ANKAR: variants seen among roughly 807,000 people sequenced by gnomAD.
The protein encoded by ANKAR is ankyrin and armadillo repeat-containing protein.
Under a neutral mutation model 146.2 loss-of-function variants are expected in ANKAR, and 136 were observed. The observed-to-expected ratio is 0.93, with a 90% CI of 0.81 to 1.07. ANKAR has a LOEUF of 1.07. Ranked by LOEUF, ANKAR falls within the 50% of genes least tolerant of loss-of-function variation. The pLI is 0.00. For missense variants in ANKAR, 1,567 were observed against 1,679.9 expected (o/e 0.93, Z 1.18); for synonymous variants, 500 against 575.8 (o/e 0.87, Z 1.88).
At chr2:189,688,622 TG>T (rs796552192) in intron 2 of ANKAR, among the ~76,000 whole-genome samples, 10 of 152,316 alleles carry the variant, frequency 6.6e-5, no homozygotes, top group African/African-American at 2.2e-4. Flanking sequence ...GAATTTAAGC[TG>T]AACTGTTTGG....
downstream of ANKAR, chr2:189,761,667 A>T: frequency 6.6e-7 from 1 of 1,510,488 alleles, no homozygotes; most frequent in Non-Finnish European, 8.8e-7. Flanking sequence ...ATTCCTGAAA[A>T]AGAATTACAG....
At chr2:189,732,457 C>T (rs1003511518) in intron 16 of ANKAR, among the ~76,000 whole-genome samples, 5 of 151,978 alleles carry the variant, frequency 3.3e-5, no homozygotes, top group African/African-American at 7.2e-5. Context: ...GTCAGGAGTT[C>T]GAGGCCAACC....
intron 7 of ANKAR, among the ~76,000 whole-genome samples, chr2:189,698,460 A>C (rs1215480574): frequency 6.6e-6 from 1 of 152,160 alleles, no homozygotes; most frequent in East Asian, 1.9e-4. Flanking sequence ...GTGAGGTCTG[A>C]GGAATGAGTC....
chr2:189,703,565 A>G (rs1396897609), intron 7 of ANKAR, among the ~76,000 whole-genome samples: 1 of 152,220 alleles, frequency 6.6e-6, no homozygotes, highest in East Asian at 1.9e-4. Context: ...GCTTTACAAG[A>G]TGTCAAAGAT....
chr2:189,732,141 T>TA (rs2042461194), intron 16 of ANKAR, among the ~76,000 whole-genome samples: 1 of 152,246 alleles, frequency 6.6e-6, no homozygotes, highest in African/African-American at 2.4e-5. Context: ...CTATAATGGA[T>TA]AAAACATTTT....
At chr2:189,679,168 TTTATTTTATGTTATG>T (rs1203685858) in intron 2 of ANKAR, among the ~76,000 whole-genome samples, 1 of 152,222 alleles carries the variant, frequency 6.6e-6, no homozygotes, top group African/African-American at 2.4e-5. Flanking sequence ...TCCTAAGTAT[TTTATTTTATGTTATG>T]TTATTTTATT....
chr2:189,711,164 C>T lies in ANKAR; in HGVS notation c.2224+11C>T. The T allele has an allele frequency of 6.3e-7, 1 of 1,581,372 alleles. No individual in the cohort carries two copies. Among genetic ancestry groups the T allele is most frequent in the South Asian group, 1.1e-5 (1 of 88,998 alleles). On this transcript the variant is annotated intron_variant, in intron 10 of 22. Transcript: ENST00000684021. ...GTATTTTGGATGCAGGTGATGCAAACTCTATTAATAACTTTTTATGCTATT... is the reference window on the plus strand; with the variant it reads ...GTATTTTGGATGCAGGTGATGCAAATTCTATTAATAACTTTTTATGCTATT...
intron 8 of ANKAR, among the ~76,000 whole-genome samples, 186 bp from the exon 9 acceptor site, chr2:189,706,752 C>G (rs2039005673): frequency 6.6e-6 from 1 of 151,984 alleles, no homozygotes; most frequent in South Asian, 2.1e-4. Flanking sequence ...GGGTAGGGTC[C>G]CATAGTAAGG....
At chr2:189,690,021 T>A in intron 3 of ANKAR, 57 bp downstream of exon 3, 1 of 1,274,396 alleles carries the variant, frequency 7.8e-7, no homozygotes, top group South Asian at 2.0e-5. Flanking sequence ...AATATATGTT[T>A]AAATGCAATT....
intron 18 of ANKAR, among the ~76,000 whole-genome samples, chr2:189,760,381 G>A (rs1445186494): frequency 6.6e-6 from 1 of 152,090 alleles, no homozygotes; most frequent in Non-Finnish European, 1.5e-5. Context: ...GCCGGGCAGA[G>A]GCGCCCCCAC....
downstream of ANKAR, among the ~76,000 whole-genome samples, chr2:189,751,641 C>T (rs1174232089): frequency 6.6e-6 from 1 of 151,154 alleles, no homozygotes; most frequent in African/African-American, 2.4e-5. Flanking sequence ...GACGGGGTTT[C>T]ACCATGTTGG....
At chr2:189,710,039 C>T (rs2039479969) in intron 9 of ANKAR, among the ~76,000 whole-genome samples, 1 of 152,196 alleles carries the variant, frequency 6.6e-6, no homozygotes, top group African/African-American at 2.4e-5. Flanking sequence ...GCTCTCCCTC[C>T]TCACACTGCC....
intron 9 of ANKAR, among the ~76,000 whole-genome samples, chr2:189,709,786 G>A (rs185743996): frequency 7.2e-4 from 109 of 152,272 alleles, no homozygotes; most frequent in Middle Eastern, 3.4e-3. Flanking sequence ...GTATCATTTC[G>A]TTGTCTTGTT....
chr2:189,748,883 T>C (rs1014745216), downstream of ANKAR, among the ~76,000 whole-genome samples: 12 of 152,204 alleles, frequency 7.9e-5, no homozygotes, highest in African/African-American at 2.7e-4. Context: ...CCTGAGTATC[T>C]TGGCCTAGCC....
At chr2:189,752,732 A>G in intron 18 of ANKAR, 4 of 1,613,986 alleles carry the variant, frequency 2.5e-6, no homozygotes, top group Non-Finnish European at 2.5e-6. Flanking sequence ...TTCCTAAATA[A>G]GAAGCATTAA....
At chr2:189,722,489 G>T (rs994357608) in intron 12 of ANKAR, among the ~76,000 whole-genome samples, 4 of 151,964 alleles carry the variant, frequency 2.6e-5, no homozygotes, top group African/African-American at 9.7e-5. Context: ...TAGGGACTAG[G>T]TCTTCTCTTT....
intron 10 of ANKAR, among the ~76,000 whole-genome samples, chr2:189,716,099 C>G (rs1472005654): frequency 4.6e-5 from 7 of 152,158 alleles, no homozygotes; most frequent in African/African-American, 1.4e-4. Context: ...GGCAATCAGG[C>G]AAGAGAAAGA....
downstream of ANKAR, among the ~76,000 whole-genome samples, chr2:189,762,103 ATCATTTGGT>A (rs2047161839): frequency 6.6e-6 from 1 of 152,206 alleles, no homozygotes; most frequent in South Asian, 2.1e-4. Flanking sequence ...ATAAAACTGG[ATCATTTGGT>A]TCAAAAACAA....
chr2:189,719,643 T>C lies in ANKAR; in HGVS notation c.2296T>C (p.Leu766=). 6.2e-7 allele frequency: 1 copy of C among 1,614,174 alleles called. No homozygotes were observed. The change falls in exon 11 of 23, where the codon TTG becomes CTG. Residue 766 remains leucine (L), a synonymous_variant. Coordinates refer to ENST00000684021, the MANE Select transcript of ANKAR (RefSeq NM_001378068.1). ...ACTGCAGTGCAAAACTGTTGGGTTA[T>C]TGAGTAATATCTCAACCCACAAAAG... is the stretch of plus-strand genomic sequence containing the variant. ...IKLQCKTVGL[L]SNISTHKSAV... is the part of the protein sequence containing the mutation.
Sources: allele counts gnomAD v4.1 joint callset (sites outside exome capture counted in the v4.1 genomes callset), GRCh38; gene constraint gnomAD v4.1.1; transcripts MANE v1.5; gene names NCBI Gene and HGNC (gene_info 2026-07-23, HGNC 2026-07-21).